The following NPEPPS variants were observed in gnomAD, a reference collection of about 807,000 sequenced individuals.
The protein encoded by NPEPPS is puromycin-sensitive aminopeptidase.
Under a neutral mutation model 115.5 loss-of-function variants are expected in NPEPPS, and 14 were observed. The observed-to-expected ratio is 0.12, with a 90% CI of 0.08 to 0.19. The LOEUF is 0.19. Among genes scored for constraint, NPEPPS ranks in the 10% least tolerant of loss-of-function variants. The probability of loss-of-function intolerance (pLI) is 1.00; values close to 1 mark genes in which losing one functional copy is unlikely to be tolerated. For missense variants in NPEPPS, 523 were observed against 1,110.8 expected (o/e 0.47, Z 7.52); for synonymous variants, 285 against 390.6 (o/e 0.73, Z 3.19).
intron 12 of NPEPPS, 153 bp downstream of exon 12, chr17:47,592,698 C>G (rs1912583449): frequency 1.6e-6 from 1 of 621,746 alleles, no homozygotes; most frequent in Non-Finnish European, 2.7e-6. Context: ...TTGAATATCT[C>G]TAATCTCAAA....
chr17:47,610,595 G>A (rs901881542), intron 17 of NPEPPS, among the ~76,000 whole-genome samples: 7 of 151,848 alleles, frequency 4.6e-5, no homozygotes, highest in Non-Finnish European at 8.8e-5. Context: ...TGTTGGCCAG[G>A]ATGGTCTCGA....
At chr17:47,562,632 G>GTA (rs765040166) in intron 2 of NPEPPS, among the ~76,000 whole-genome samples, 35 of 143,030 alleles carry the variant, frequency 2.4e-4, no homozygotes, top group African/African-American at 8.5e-4. Context: ...GTGTGTGTGT[G>GTA]TATATGTGTG....
At chr17:47,597,358 G>C (rs1304231583) in intron 13 of NPEPPS, among the ~76,000 whole-genome samples, 1 of 152,042 alleles carries the variant, frequency 6.6e-6, no homozygotes, top group South Asian at 2.1e-4. Flanking sequence ...ATCTTAACTC[G>C]GTTTCATTAA....
At chr17:47,589,498 C>A (rs1303370287) in intron 9 of NPEPPS, among the ~76,000 whole-genome samples, 1 of 152,118 alleles carries the variant, frequency 6.6e-6, no homozygotes, top group Non-Finnish European at 1.5e-5. Flanking sequence ...CTCCTGGGCT[C>A]AAGTGATCTT....
chr17:47,556,024 C>T (rs1490528319), intron 2 of NPEPPS, among the ~76,000 whole-genome samples: 6 of 125,804 alleles, frequency 4.8e-5, no homozygotes, highest in Admixed American at 2.7e-4. Flanking sequence ...CTTGTGCTGG[C>T]GTGACCTTGG....
At chr17:47,615,304 C>G (rs1355905928) in intron 19 of NPEPPS, among the ~76,000 whole-genome samples, 3 of 152,126 alleles carry the variant, frequency 2.0e-5, no homozygotes, top group Admixed American at 1.3e-4. Flanking sequence ...CCTCGAACTC[C>G]TGACCTTGTG....
chr17:47,573,579 C>T (rs1461562582), intron 3 of NPEPPS, among the ~76,000 whole-genome samples: 2 of 152,072 alleles, frequency 1.3e-5, no homozygotes, highest in Admixed American at 1.3e-4. Context: ...AGAAATAGGC[C>T]ATGGTCGTGG....
chr17:47,557,612 A>G (rs1315525523), intron 2 of NPEPPS: 1 of 148,536 alleles, frequency 6.7e-6, no homozygotes, highest in Non-Finnish European at 1.5e-5. Flanking sequence ...ATAAATTTTA[A>G]TCCTAAAAAT....
chr17:47,568,203 G>A (rs1310526706), intron 2 of NPEPPS, among the ~76,000 whole-genome samples: 6 of 143,324 alleles, frequency 4.2e-5, no homozygotes, highest in Admixed American at 2.9e-4. Flanking sequence ...TCGCTCTGTC[G>A]CCCAGGCTGG....
chr17:47,541,378 AT>A (rs944854662), intron 1 of NPEPPS, among the ~76,000 whole-genome samples: 258 of 143,236 alleles, frequency 1.8e-3, no homozygotes, highest in Admixed American at 2.2e-3. Context: ...TGTGTTTCTG[AT>A]TTTTTTTTTT....
chr17:47,556,154 G>A (rs1175933292), intron 2 of NPEPPS, among the ~76,000 whole-genome samples: 1 of 148,258 alleles, frequency 6.7e-6, no homozygotes, highest in Non-Finnish European at 1.5e-5. Flanking sequence ...TAGGACAATA[G>A]AGGAGGGAAG....
intron 2 of NPEPPS, among the ~76,000 whole-genome samples, chr17:47,557,093 T>A (rs1429603361): frequency 1.3e-5 from 2 of 152,250 alleles, no homozygotes; most frequent in Admixed American, 6.5e-5. Context: ...TTTTTTTTAT[T>A]TTTGAGACGG....
chr17:47,539,382 C>T (rs111400478), intron 1 of NPEPPS, among the ~76,000 whole-genome samples: 11 of 152,000 alleles, frequency 7.2e-5, no homozygotes, highest in Non-Finnish European at 1.6e-4. Flanking sequence ...AGTATGTGGT[C>T]CTTGGTTTAT....
intron 1 of NPEPPS, among the ~76,000 whole-genome samples, chr17:47,542,743 G>T (rs1448473397): frequency 7.9e-5 from 12 of 152,010 alleles, no homozygotes; most frequent in Admixed American, 2.0e-4. Flanking sequence ...CTGTGTTTTT[G>T]TTATTTTAGA....
chr17:47,613,699 G>A lies in NPEPPS; in HGVS notation c.2269G>A (p.Gly757Ser). 6.2e-7 allele frequency: 1 copy of A among 1,611,066 alleles called. No individual in the cohort carries two copies. The change falls in exon 19 of 23, where the codon GGC (glycine) becomes AGC (serine). Residue 757 changes from glycine to serine, a missense_variant. Gly to Ser is a moderately conservative substitution (Grantham distance 56). Around this residue, in one of 4 missense-constraint regions of NPEPPS, gnomAD observed 372 missense variants for 542.6 expected, o/e 0.69. Coordinates refer to ENST00000322157, the MANE Select transcript of NPEPPS (RefSeq NM_006310.4). ...VYLTVLKHGD[G>S]TTLDIMLKLH... ...TCTGACTGTTTTGAAGCATGGTGATGGCACTACTTTAGATATTATGTTAAA... is the reference window on the plus strand; with the variant it reads ...TCTGACTGTTTTGAAGCATGGTGATAGCACTACTTTAGATATTATGTTAAA...
rs1177828575 is a variant in NPEPPS at position 47,586,723 on chromosome 17, T to G, written c.980+325T>G. The G allele has an allele frequency of 6.1e-6, 3 of 492,514 alleles. No homozygotes were observed. The East Asian group carries it at 1.7e-4, about 29-fold the overall frequency. 30.5% of individuals were successfully genotyped at this position (492,514 alleles called of 1,614,324 possible). ...CCTAATTTCATATCTTCTAGCCAAG[T>G]TTTTACATGTCTGTCACCACAACAT... On this transcript the variant is annotated intron_variant, in intron 8 of 22. Coordinates refer to ENST00000322157, the MANE Select transcript of NPEPPS (RefSeq NM_006310.4).
intron 1 of NPEPPS, among the ~76,000 whole-genome samples, chr17:47,535,929 C>T (rs1011703189): frequency 8.6e-5 from 13 of 150,478 alleles, no homozygotes; most frequent in African/African-American, 2.4e-4. Context: ...CTCTGCCTCC[C>T]GGGTTCAAGC....
intron 2 of NPEPPS, among the ~76,000 whole-genome samples, chr17:47,554,691 C>G (rs1184261277): frequency 6.6e-6 from 1 of 152,168 alleles, no homozygotes; most frequent in Non-Finnish European, 1.5e-5. Context: ...ATTATACTCA[C>G]CCTTCTTCTT....
At chr17:47,566,919 T>C (rs982473431) in intron 2 of NPEPPS, among the ~76,000 whole-genome samples, 4 of 151,852 alleles carry the variant, frequency 2.6e-5, no homozygotes, top group African/African-American at 9.7e-5. Context: ...CTACTAAAAA[T>C]ACAAAAGATT....
Sources: allele counts gnomAD v4.1 joint callset (sites outside exome capture counted in the v4.1 genomes callset), GRCh38; gene constraint gnomAD v4.1.1; regional missense constraint gnomAD v4.1.1; transcripts MANE v1.5; gene names NCBI Gene and HGNC (gene_info 2026-07-23, HGNC 2026-07-21).